The following AOPEP variants were observed in gnomAD, a reference collection of about 807,000 sequenced individuals.
AOPEP encodes aminopeptidase O (putative).
AOPEP carries 77 observed loss-of-function variants against 98.1 expected under a neutral mutation model. The observed-to-expected ratio is 0.78, with a 90% CI of 0.65 to 0.95. The LOEUF (loss-of-function observed/expected upper bound fraction) is 0.95, where lower values mean the gene tolerates loss of function less well. Ranked by LOEUF, AOPEP falls within the 40% of genes least tolerant of loss-of-function variation. AOPEP has a pLI of 0.00. For synonymous variants in AOPEP, 346 were observed against 365.3 expected (o/e 0.95, Z 0.60); for missense variants, 1,024 against 1,024.7 (o/e 1.00, Z 0.01).
chr9:94,889,245 T>C lies in AOPEP; in HGVS notation c.1365-34741T>C, dbSNP rs570307824. On this transcript the variant is annotated intron_variant, in intron 5 of 16. Transcript: ENST00000375315. The stretch of plus-strand genomic sequence containing the variant: ...CTGACCTCAAGTGATCCACCCGCCT[T>C]GGCCTCCCAAAGTGCTATATCTTTT... 1.1e-4 allele frequency among the ~76,000 whole-genome samples: 17 copies of C among 152,318 alleles called. No individual in the cohort carries two copies. In the East Asian group the frequency reaches 3.3e-3, roughly 29 times the overall value.
chr9:95,127,646 T>C, the AOPEP span, among the ~76,000 whole-genome samples: 3 of 152,178 alleles, frequency 2.0e-5, no homozygotes, highest in South Asian at 2.1e-4. Flanking sequence ...TCAGGCGCTA[T>C]TGGAAATTCA....
chr9:95,005,606 T>C lies in AOPEP; in HGVS notation c.2105T>C (p.Val702Ala). 1 of 1,613,352 alleles carries C rather than the reference T, an allele frequency of 6.2e-7. No individual in the cohort carries two copies. The highest frequency in any genetic ancestry group is 1.7e-4 in the Middle Eastern group (1 of 6,058). The change falls in exon 13 of 17, where the codon GTG becomes GCG. Residue 702 changes from valine (V) to alanine (A), a missense_variant. Transcript: ENST00000375315. Reference sequence around the variant, plus strand: ...CGGAAGCGCAGGGAGAAGGAAGAGGTGTTTGAAAAGGTAGGGGTTCCCGAG... The same window carrying C: ...CGGAAGCGCAGGGAGAAGGAAGAGGCGTTTGAAAAGGTAGGGGTTCCCGAG... ...RKRKRREKEEVFEKLLPDQLV... is the reference protein window; with the variant it reads ...RKRKRREKEEAFEKLLPDQLV...
chr9:94,966,219 G>A (rs563332656), intron 9 of AOPEP, among the ~76,000 whole-genome samples: 5 of 147,496 alleles, frequency 3.4e-5, no homozygotes, highest in East Asian at 2.0e-4. Context: ...GGGATGCTTC[G>A]GTCTGCAGTT....
chr9:94,888,627 G>A (rs1001010311), intron 5 of AOPEP, among the ~76,000 whole-genome samples: 1 of 152,178 alleles, frequency 6.6e-6, no homozygotes, highest in Non-Finnish European at 1.5e-5. Flanking sequence ...CAAGGGTGGA[G>A]TGAAACTTTA....
intron 5 of AOPEP, among the ~76,000 whole-genome samples, chr9:94,864,893 C>G (rs1318461524): frequency 2.0e-5 from 3 of 152,114 alleles, no homozygotes; most frequent in African/African-American, 7.2e-5. Context: ...ATCAGCAACA[C>G]TTGTGTGGCT....
At chr9:95,122,060 G>A in the AOPEP span, among the ~76,000 whole-genome samples, 16 of 151,938 alleles carry the variant, frequency 1.1e-4, no homozygotes, top group South Asian at 2.1e-4. Flanking sequence ...GGGTTTCACC[G>A]TGTTAGCCAG....
At chr9:95,026,124 A>G (rs1034539433) in intron 13 of AOPEP, among the ~76,000 whole-genome samples, 5 of 152,218 alleles carry the variant, frequency 3.3e-5, no homozygotes, top group African/African-American at 1.2e-4. Context: ...AAAGTAAGAG[A>G]AAACCGGAAT....
chr9:95,096,403 AATGGCCATCGGCAAC>A, the AOPEP span, among the ~76,000 whole-genome samples: 555 of 152,176 alleles, frequency 3.6e-3, 4 homozygotes, highest in African/African-American at 0.012. Flanking sequence ...GGCAGGATGG[AATGGCCATCGGCAAC>A]ATGGGGAGCT....
In AOPEP at chr9:94,760,527, C is replaced by T. The variant is rs1227596131; in HGVS notation, c.744C>T (p.Tyr248=). ...TTCCTCATGCTATCAGGATATGGTA[C>T]AAAACTAAACCTGAAGGGCGATCGG... ...TDFPHAIRIW[Y]KTKPEGRSVT... Residue 248 remains tyrosine, a synonymous_variant, in exon 2 of 17, where the codon TAC becomes TAT. Transcript: ENST00000375315. 3 of 1,587,408 alleles carry T rather than the reference C, an allele frequency of 1.9e-6. No individual in the cohort carries two copies. The South Asian group carries it at 3.5e-5, about 19-fold the overall frequency.
rs145883256 is a variant in AOPEP at position 94,979,187 on chromosome 9, G to A, written c.1917-180G>A. Among the ~76,000 whole-genome samples, 17 of 152,232 alleles carry A rather than the reference G, an allele frequency of 1.1e-4. No individual in the cohort carries two copies. In the South Asian group the frequency reaches 1.7e-3, roughly 15 times the overall value. On this transcript the variant is annotated intron_variant, in intron 10 of 16. Transcript: ENST00000375315. Reference sequence around the variant, plus strand: ...CATGTTGCTGTGGGTGAAGAGGAGCGGTCTCATGTGACTGGGCTCCCTTCC... The same window carrying A: ...CATGTTGCTGTGGGTGAAGAGGAGCAGTCTCATGTGACTGGGCTCCCTTCC...
chr9:94,997,959 G>C (rs1012796008), intron 11 of AOPEP, among the ~76,000 whole-genome samples: 2 of 151,886 alleles, frequency 1.3e-5, no homozygotes, highest in Non-Finnish European at 2.9e-5. Context: ...TCAGCCTCCC[G>C]AAGTGCTAGC....
chr9:95,090,729 T>C (rs10761375), downstream of AOPEP, among the ~76,000 whole-genome samples: 33,927 of 152,200 alleles, frequency 0.22, 3,928 homozygotes, highest in Middle Eastern at 0.32. Flanking sequence ...CAGGGAATTC[T>C]GGCTGGACAA....
At chr9:95,014,040 C>T (rs2062780454) in intron 13 of AOPEP, among the ~76,000 whole-genome samples, 1 of 152,112 alleles carries the variant, frequency 6.6e-6, no homozygotes, top group Non-Finnish European at 1.5e-5. Context: ...AGATATGAAG[C>T]CAAATAAGGT....
At chr9:94,862,915 A>C (rs2135455845) in intron 5 of AOPEP, among the ~76,000 whole-genome samples, 1 of 152,294 alleles carries the variant, frequency 6.6e-6, no homozygotes, top group East Asian at 1.9e-4. Flanking sequence ...GCGCACAAAT[A>C]CTTGATCATT....
intron 14 of AOPEP, among the ~76,000 whole-genome samples, chr9:95,063,669 T>G (rs901017381): frequency 6.6e-5 from 10 of 152,176 alleles, no homozygotes; most frequent in African/African-American, 2.2e-4. Context: ...CTGGGAGAAT[T>G]TGGTAGCACC....
chr9:95,085,767 A>G (rs2070588262), intron 16 of AOPEP, among the ~76,000 whole-genome samples: 1 of 152,244 alleles, frequency 6.6e-6, no homozygotes, highest in African/African-American at 2.4e-5. Context: ...GGTCAAATGT[A>G]TTGAAAGTTG....
At chr9:94,962,728 A>ATTTT (rs2058928799) in intron 9 of AOPEP, among the ~76,000 whole-genome samples, 1 of 131,098 alleles carries the variant, frequency 7.6e-6, no homozygotes, top group African/African-American at 3.3e-5. Flanking sequence ...CAATATTATC[A>ATTTT]TCTTTTTTTT....
chr9:95,036,631 T>TCTC (rs1189758349), intron 13 of AOPEP, among the ~76,000 whole-genome samples: 4 of 152,096 alleles, frequency 2.6e-5, no homozygotes, highest in Non-Finnish European at 5.9e-5. Flanking sequence ...TTGTTTTATT[T>TCTC]CTCCTCCTCC....
At chr9:94,940,112 C>G (rs1035289494) in intron 7 of AOPEP, among the ~76,000 whole-genome samples, 1 of 152,246 alleles carries the variant, frequency 6.6e-6, no homozygotes, top group African/African-American at 2.4e-5. Flanking sequence ...GCTTTACACA[C>G]ATTTGCTGTG....
Sources: allele counts gnomAD v4.1 joint callset (sites outside exome capture counted in the v4.1 genomes callset), GRCh38; gene constraint gnomAD v4.1.1; transcripts MANE v1.5; gene names NCBI Gene and HGNC (gene_info 2026-07-23, HGNC 2026-07-21).